AMTN: variants seen among roughly 807,000 people sequenced by gnomAD.
AMTN encodes the protein RSTI689.
In AMTN, 29 loss-of-function variants were observed where a neutral mutation model predicts 27.4. The ratio of observed to expected loss-of-function variants is 1.06; its 90% CI spans 0.79 to 1.44. The LOEUF (loss-of-function observed/expected upper bound fraction) is 1.44, where lower values mean the gene tolerates loss of function less well. AMTN is among the 40% of genes most tolerant of loss of function. The pLI, the probability that AMTN is intolerant of heterozygous loss-of-function variation, is 0.00. For missense variants in AMTN, 247 were observed against 248.8 expected, an observed-to-expected ratio of 0.99 and a Z score of 0.05; for synonymous variants, 86 against 95.7, an observed-to-expected ratio of 0.90 and a Z score of 0.59.
intron 8 of AMTN, 106 bp downstream of exon 8, chr4:70,531,406 A>G: frequency 1.4e-6 from 2 of 1,437,670 alleles, no homozygotes; most frequent in Non-Finnish European, 1.9e-6. Flanking sequence ...TCTTAGTAAG[A>G]TTAGGAAGCC....
At chr4:70,523,995 C>G in intron 4 of AMTN, 62 bp downstream of exon 4, 3 of 1,385,232 alleles carry the variant, frequency 2.2e-6, no homozygotes, top group Non-Finnish European at 3.1e-6. Flanking sequence ...CCTAATATTA[C>G]AGTGGGGGGA....
chr4:70,519,934 C>A (rs28499897), intron 2 of AMTN, among the ~76,000 whole-genome samples: 1 of 133,018 alleles, frequency 7.5e-6, no homozygotes, highest in Non-Finnish European at 1.6e-5. Flanking sequence ...GTGTGTGTGT[C>A]TGTGTGTGTG....
chr4:70,531,045 A>G lies in AMTN; in HGVS notation c.364A>G (p.Ile122Val). The change falls in exon 8 of 9, where the codon ATC becomes GTC. Residue 122 changes from isoleucine (I) to valine (V), a missense_variant. Ile to Val is a conservative substitution (Grantham distance 29, BLOSUM62 3). Coordinates refer to ENST00000339336, the MANE Select transcript of AMTN (RefSeq NM_212557.4). ...TTTGCTTCCCTCATTCCAGCCACAA[A>G]TCTTCACGAGCCTCATCATCCATTC... is the stretch of plus-strand genomic sequence containing the variant. Reference protein sequence around the residue: ...TILSSEELPQIFTSLIIHSLF... With the variant: ...TILSSEELPQVFTSLIIHSLF... 1 of 1,613,624 alleles carries G rather than the reference A, an allele frequency of 6.2e-7. No homozygotes were observed. The highest frequency in any genetic ancestry group is 8.5e-7 in the Non-Finnish European group (1 of 1,179,734).
chr4:70,527,883 C>T (rs939601262), intron 5 of AMTN, among the ~76,000 whole-genome samples: 1 of 152,060 alleles, frequency 6.6e-6, no homozygotes, highest in African/African-American at 2.4e-5. Flanking sequence ...TTATCAGTGA[C>T]CCTTGAATTA....
Position 70,531,056 on chromosome 4 carries a change from C to G in AMTN, c.375C>G (p.Ser125Arg). 6.2e-7 allele frequency: 1 copy of G among 1,613,948 alleles called. No individual in the cohort carries two copies. Among genetic ancestry groups the G allele is most frequent in the Non-Finnish European group, 8.5e-7 (1 of 1,179,900 alleles). Reference protein sequence around the residue: ...SSEELPQIFTSLIIHSLFPGG... With the variant: ...SSEELPQIFTRLIIHSLFPGG... ...CATTCCAGCCACAAATCTTCACGAGCCTCATCATCCATTCCTTGTTCCCGG... is the reference window on the plus strand; with the variant it reads ...CATTCCAGCCACAAATCTTCACGAGGCTCATCATCCATTCCTTGTTCCCGG... Residue 125 changes from serine (S) to arginine (R), a missense_variant, in exon 8 of 9, where the codon AGC becomes AGG. Physicochemically the swap from Ser to Arg is moderately radical, Grantham distance 110 (BLOSUM62 -1). Transcript: ENST00000339336.
chr4:70,522,545 C>T (rs3852096), intron 2 of AMTN, among the ~76,000 whole-genome samples: 1 of 152,068 alleles, frequency 6.6e-6, no homozygotes, highest in African/African-American at 2.4e-5. Context: ...CAGCCCCCTT[C>T]CCTCCACACC....
At chr4:70,524,811 A>G (rs2109771747) in intron 4 of AMTN, 61 bp from the exon 5 acceptor site, 1 of 1,470,678 alleles carries the variant, frequency 6.8e-7, no homozygotes, top group Non-Finnish European at 9.5e-7. Context: ...AAAACATTTT[A>G]GTTTCCTAAA....
intron 5 of AMTN, 84 bp downstream of exon 5, chr4:70,525,045 C>A: frequency 7.5e-7 from 1 of 1,329,678 alleles, no homozygotes; most frequent in Non-Finnish European, 1.1e-6. Context: ...TTTTTTAAAG[C>A]TTCTTGAAAA....
chr4:70,531,272 C>A lies in AMTN; in HGVS notation c.591C>A (p.Ile197=). 1 of 1,613,556 alleles carries A rather than the reference C, an allele frequency of 6.2e-7. No homozygotes were observed. Among genetic ancestry groups the A allele is most frequent in the Non-Finnish European group, 8.5e-7 (1 of 1,179,722 alleles). ...GCATCCAAAGGAGCACACATGCCAT[C>A]GAGGAAGCCACCACAGAATCAGCAA... The part of the protein sequence containing the change: ...PAGIQRSTHA[I]EEATTESANG... The change falls in exon 8 of 9, where the codon ATC becomes ATA. Residue 197 remains isoleucine, a synonymous_variant. Transcript: ENST00000339336.
intron 5 of AMTN, among the ~76,000 whole-genome samples, chr4:70,527,310 C>T (rs139972292): frequency 5.6e-4 from 86 of 152,302 alleles, no homozygotes; most frequent in African/African-American, 1.9e-3. Context: ...TATTGGTGAA[C>T]AATTAGAGTA....
intron 7 of AMTN, among the ~76,000 whole-genome samples, chr4:70,530,664 T>A (rs1736200724): frequency 6.6e-6 from 1 of 152,220 alleles, no homozygotes; most frequent in Non-Finnish European, 1.5e-5. Context: ...AGTATTCCAA[T>A]GCCTTTGAAA....
chr4:70,526,273 C>CT (rs903213167), intron 5 of AMTN, among the ~76,000 whole-genome samples: 5 of 151,974 alleles, frequency 3.3e-5, no homozygotes, highest in African/African-American at 1.2e-4. Context: ...TTGTAACATG[C>CT]TTTTTTCCAC....
intron 3 of AMTN, among the ~76,000 whole-genome samples, chr4:70,523,422 T>C (rs998664320): frequency 1.3e-5 from 2 of 152,214 alleles, no homozygotes; most frequent in East Asian, 1.9e-4. Context: ...TACCTACTTC[T>C]ACATTTTGTG....
rs183089334 is a variant in AMTN, at chr4:70,522,293, C to A, written c.55-462C>A. 1.8e-4 allele frequency among the ~76,000 whole-genome samples: 28 copies of A among 151,838 alleles called. No individual in the cohort carries two copies. The East Asian group carries it at 5.2e-3, about 28-fold the overall frequency. On this transcript the variant is annotated intron_variant, in intron 2 of 8. Transcript: ENST00000339336. ...TTAATACACTAATAAAATATCCAGG[C>A]CAGGAAGAAAAACTGAACTTCTGTT... is the stretch of plus-strand genomic sequence containing the variant.
chr4:70,532,014 A>T (rs990708318), intron 8 of AMTN, among the ~76,000 whole-genome samples: 1 of 152,198 alleles, frequency 6.6e-6, no homozygotes, highest in Non-Finnish European at 1.5e-5. Context: ...AACTGAAAAT[A>T]CTTGAAAGCA....
In AMTN at chr4:70,522,755, C is replaced by T; in HGVS notation, c.55C>T (p.Gln19Ter). The change falls in exon 3 of 9, where the codon CAG becomes TAG. Residue 19 changes from glutamine (Q) to a stop codon, truncating the protein, a stop_gained and splice_region_variant. Coordinates refer to ENST00000339336, the MANE Select transcript of AMTN (RefSeq NM_212557.4). LOFTEE classifies it high-confidence loss of function. ...AAATATGTATTTGTTTTCACAAAAG[C>T]AGCTCAAACCTGCTTTGGGACTCCC... is the stretch of plus-strand genomic sequence containing the variant. ...CLLGSTRSLP[Q>*]LKPALGLPPT... 6.2e-7 allele frequency: 1 copy of T among 1,613,948 alleles called. No individual in the cohort carries two copies. The highest frequency in any genetic ancestry group is 8.5e-7 in the Non-Finnish European group (1 of 1,179,840).
chr4:70,519,063 A>G (rs35367033), intron 2 of AMTN, among the ~76,000 whole-genome samples: 27,586 of 152,184 alleles, frequency 0.18, 2,829 homozygotes, highest in African/African-American at 0.26. Context: ...GTAAAAGGTC[A>G]ATTATTTTGG....
intron 2 of AMTN, among the ~76,000 whole-genome samples, chr4:70,519,690 A>G (rs1014596964): frequency 2.7e-5 from 3 of 112,260 alleles, no homozygotes; most frequent in Non-Finnish European, 5.8e-5. Context: ...CAAGGATTGT[A>G]GACATTAATT....
Position 70,524,926 on chromosome 4 carries a change from G to A in AMTN, c.259G>A (p.Gly87Arg), listed in dbSNP as rs1736067835. 4 of 1,613,980 alleles carry A rather than the reference G, an allele frequency of 2.5e-6. No homozygotes were observed. The highest frequency in any genetic ancestry group is 3.4e-6 in the Non-Finnish European group (4 of 1,179,924). ...PGTQTHPLTLGGLNVQQQLHP... is the reference protein window; with the variant it reads ...PGTQTHPLTLRGLNVQQQLHP... ...TACCCAGACCCACCCATTGACCCTG[G>A]GAGGGTTGAATGTACAACAGCAACT... Residue 87 changes from glycine to arginine, a missense_variant, in exon 5 of 9, where the codon GGA becomes AGA. Gly to Arg is a moderately radical substitution (Grantham distance 125). Transcript: ENST00000339336.
Sources: gnomAD v4.1 joint callset for allele counts (sites outside exome capture counted in the v4.1 genomes callset) on GRCh38, gnomAD v4.1.1 for gene constraint, MANE v1.5 for transcripts, NCBI Gene and HGNC (gene_info 2026-07-23, HGNC 2026-07-21) for gene names.